MYH7B: variants seen among roughly 807,000 people sequenced by gnomAD.
MYH7B encodes myosin-7B.
Under a neutral mutation model 234.5 loss-of-function variants are expected in MYH7B, and 205 were observed. The observed-to-expected ratio is 0.87, with a 90% confidence interval of 0.78 to 0.98. The LOEUF (loss-of-function observed/expected upper bound fraction) is 0.98, where lower values mean the gene tolerates loss of function less well. MYH7B is among the 50% of genes least tolerant of loss of function. MYH7B has a pLI of 0.00. For synonymous variants in MYH7B, 1,193 were observed against 1,105.0 expected, an observed-to-expected ratio of 1.08 and a Z score of -1.58; for missense variants, 2,652 against 2,633.4, an observed-to-expected ratio of 1.01 and a Z score of -0.15.
intron 26 of MYH7B, 102 bp from the exon 27 acceptor site, chr20:34,994,044 C>T: frequency 1.4e-6 from 2 of 1,462,300 alleles, no homozygotes; most frequent in Admixed American, 3.8e-5. Flanking sequence ...GGAGCTACTC[C>T]ATGAGGCTGC....
At chr20:34,988,172 G>A (rs745963227) in exon 19 of MYH7B, 1 of 1,614,182 alleles carries the variant, frequency 6.2e-7, no homozygotes, top group Non-Finnish European at 8.5e-7. Flanking sequence ...TGTTTGTGCT[G>A]GAGCAGGAGG....
intron 2 of MYH7B, among the ~76,000 whole-genome samples, chr20:34,963,265 T>A (rs1015385720): frequency 6.6e-6 from 1 of 152,216 alleles, no homozygotes; most frequent in Non-Finnish European, 1.5e-5. Context: ...GATATGGAGG[T>A]CCCACTGTAC....
At chr20:35,000,265 C>G in intron 38 of MYH7B, 28 bp from the exon 39 acceptor site, 2 of 1,542,380 alleles carry the variant, frequency 1.3e-6, no homozygotes, top group South Asian at 1.2e-5. Flanking sequence ...CTTACGAGAC[C>G]CCCTTTCATG....
chr20:34,965,182 G>A (rs112673034), intron 2 of MYH7B, among the ~76,000 whole-genome samples: 1 of 152,088 alleles, frequency 6.6e-6, no homozygotes, highest in Non-Finnish European at 1.5e-5. Flanking sequence ...ATGAGCCACC[G>A]CACCTGGCTC....
At chr20:34,999,336 C>T in exon 36 of MYH7B, 1 of 1,562,464 alleles carries the variant, frequency 6.4e-7, no homozygotes, top group Non-Finnish European at 8.7e-7. Context: ...GCTCTTCCGG[C>T]TGCGGCACGG....
chr20:34,974,226 CTTT>C (rs1184689535), intron 2 of MYH7B, among the ~76,000 whole-genome samples: 2 of 123,354 alleles, frequency 1.6e-5, no homozygotes. Context: ...CATGCCCAGC[CTTT>C]TTTTTTTTTT....
chr20:34,980,066 C>G, intron 7 of MYH7B: 1 of 526,282 alleles, frequency 1.9e-6, no homozygotes. Context: ...CTAGAACTCA[C>G]CTGCGGACTA....
At chr20:34,966,849 CAGG>C (rs2081746518) in intron 2 of MYH7B, among the ~76,000 whole-genome samples, 2 of 151,870 alleles carry the variant, frequency 1.3e-5, no homozygotes, top group African/African-American at 4.8e-5. Context: ...TTGCTTGAGC[CAGG>C]AGTTCAAGGC....
chr20:34,990,928 G>T, intron 23 of MYH7B, 76 bp from the exon 24 acceptor site: 1 of 1,561,354 alleles, frequency 6.4e-7, no homozygotes, highest in Non-Finnish European at 8.8e-7. Context: ...ACCTCGCAGG[G>T]TCTCCACTGC....
chr20:34,989,111 A>G (rs986479181), intron 19 of MYH7B, among the ~76,000 whole-genome samples: 1 of 152,152 alleles, frequency 6.6e-6, no homozygotes, highest in African/African-American at 2.4e-5. Flanking sequence ...CGCCTGGCCT[A>G]TCCATTTTCT....
Position 34,957,213 on chromosome 20 carries a change from C to T in MYH7B, c.-336-885C>T, listed in dbSNP as rs181481464. Reference sequence around the variant, plus strand: ...GGAGAGGTAGCCTCAGACGCCAGTTCCACTGAGCAACAGGAGCTAAGGGCT... The same window carrying T: ...GGAGAGGTAGCCTCAGACGCCAGTTTCACTGAGCAACAGGAGCTAAGGGCT... On this transcript the variant is annotated intron_variant, in intron 1 of 44. Coordinates refer to ENST00000262873, the Ensembl canonical transcript of MYH7B. Among the ~76,000 whole-genome samples, 462 of 152,252 alleles carry T rather than the reference C, an allele frequency of 3.0e-3. 1 individual carries two copies. The highest frequency in any genetic ancestry group is 6.8e-3 in the Middle Eastern group (2 of 294).
exon 39 of MYH7B, chr20:35,000,640 A>G (rs1375586289): frequency 6.3e-7 from 1 of 1,581,302 alleles, no homozygotes; most frequent in Admixed American, 1.9e-5. Context: ...CGACTGGCAG[A>G]GCAGGAGCTT....
At chr20:34,994,431 G>A (rs113582671) in intron 27 of MYH7B, 30 bp downstream of exon 27, 19 of 1,541,650 alleles carry the variant, frequency 1.2e-5, no homozygotes, top group Admixed American at 4.0e-5. Flanking sequence ...GTGACCGGGC[G>A]TCCCCAGCCC....
rs989201285 is a variant in MYH7B, at chr20:34,994,055, T to G, written c.2445-91T>G. ...ATTAGGAGCTACTCCATGAGGCTGC[T>G]GGGAAGGCAAAACAAGTGAACTGTG... On this transcript the variant is annotated intron_variant, in intron 26 of 44. Transcript: ENST00000262873. 7.2e-6 allele frequency: 11 copies of G among 1,521,092 alleles called. No homozygotes were observed. The Admixed American group carries it at 1.7e-4, about 23-fold the overall frequency. The allele number at this position is 1,521,092 out of a possible 1,614,324, so 94.2% of individuals were successfully genotyped here.
intron 32 of MYH7B, 104 bp downstream of exon 32, chr20:34,997,744 T>C (rs1226216631): frequency 1.4e-6 from 2 of 1,405,094 alleles, no homozygotes; most frequent in Non-Finnish European, 1.9e-6. Flanking sequence ...TACCTTATCC[T>C]GAGCCCTGAC....
chr20:34,975,461 C>T (rs183794247), exon 3 of MYH7B: 591 of 706,896 alleles, frequency 8.4e-4, no homozygotes, highest in Admixed American at 2.1e-3. Flanking sequence ...GTGATGTGTC[C>T]GCCTGGGCCT....
intron 19 of MYH7B, among the ~76,000 whole-genome samples, chr20:34,988,635 G>C (rs11905413): frequency 6.6e-6 from 1 of 152,020 alleles, no homozygotes; most frequent in South Asian, 2.1e-4. Context: ...GTGCAGGGCA[G>C]GGTGTGTTTC....
intron 10 of MYH7B, among the ~76,000 whole-genome samples, chr20:34,983,298 C>CTTTTTTTTTTTTTTTT (rs57589264): frequency 7.0e-5 from 5 of 71,664 alleles, no homozygotes; most frequent in East Asian, 6.1e-4. Context: ...CTTTTCTTTT[C>CTTTTTTTTTTTTTTTT]TTTTTTTTTT....
chr20:34,972,742 G>A (rs1354098711), intron 2 of MYH7B, among the ~76,000 whole-genome samples: 4 of 152,010 alleles, frequency 2.6e-5, no homozygotes, highest in South Asian at 4.1e-4. Flanking sequence ...CAATCCTCTC[G>A]CCTCTCAGCC....
Sources: allele counts gnomAD v4.1 joint callset (sites outside exome capture counted in the v4.1 genomes callset), GRCh38; gene constraint gnomAD v4.1.1; transcripts MANE v1.5; gene names NCBI Gene and HGNC (gene_info 2026-07-23, HGNC 2026-07-21).